Variants in OTUD7B observed in about 807,000 individuals in gnomAD.
The protein encoded by OTUD7B is OTU domain-containing protein 7B.
A neutral mutation model predicts 82.2 loss-of-function variants in OTUD7B; 34 were observed. The observed-to-expected ratio is 0.41, with a 90% CI of 0.31 to 0.55. The LOEUF is 0.55. Ranked by LOEUF, OTUD7B falls within the 20% of genes least tolerant of loss-of-function variation. The pLI is 0.20. For missense variants in OTUD7B, 944 were observed against 1,062.1 expected (o/e 0.89, Z 1.55); for synonymous variants, 398 against 402.7 (o/e 0.99, Z 0.14).
upstream of OTUD7B, among the ~76,000 whole-genome samples, chr1:150,014,196 T>G (rs138693478): frequency 7.3e-6 from 1 of 137,874 alleles, no homozygotes; most frequent in Non-Finnish European, 1.6e-5. Flanking sequence ...CACAGGAGTT[T>G]GAGACCAGCC....
rs1296042034 is a variant in OTUD7B at position 149,975,005 on chromosome 1, T to G, written c.85+2421A>C. ...TGCCACCACACCTGGCTAGAGCCCC[T>G]ATTTTCTGCTTCCTGCCTATCTCAC... On this transcript the variant is annotated intron_variant, in intron 2 of 11. Transcript: ENST00000581312. Among the ~76,000 whole-genome samples the G allele has an allele frequency of 4.7e-4, 72 of 152,082 alleles. 1 individual carries two copies. The highest frequency in any genetic ancestry group is 4.7e-3 in the Admixed American group (72 of 15,270).
intron 3 of OTUD7B, among the ~76,000 whole-genome samples, chr1:149,968,442 C>A (rs1649672733): frequency 6.6e-6 from 1 of 151,920 alleles, no homozygotes; most frequent in African/African-American, 2.4e-5. Flanking sequence ...TAGATAGTAC[C>A]CCACATCATT....
chr1:149,984,952 C>T (rs2101884606), intron 1 of OTUD7B, among the ~76,000 whole-genome samples: 1 of 152,278 alleles, frequency 6.6e-6, no homozygotes, highest in South Asian at 2.1e-4. Flanking sequence ...ACCTGCACCC[C>T]AGGAAATAGC....
At chr1:149,977,801 G>GA (rs1164782758) in intron 1 of OTUD7B, among the ~76,000 whole-genome samples, 4 of 152,104 alleles carry the variant, frequency 2.6e-5, no homozygotes. Context: ...ATACCACTCT[G>GA]AAAAATGCTT....
At chr1:150,024,487 G>C in the OTUD7B span, among the ~76,000 whole-genome samples, 1 of 152,118 alleles carries the variant, frequency 6.6e-6, no homozygotes, top group Admixed American at 6.6e-5. Context: ...TAGGGTTAAA[G>C]ATACTGATCT....
At chr1:150,030,597 C>T in the OTUD7B span, among the ~76,000 whole-genome samples, 1 of 152,174 alleles carries the variant, frequency 6.6e-6, no homozygotes, top group South Asian at 2.1e-4. Context: ...ATAAAACATT[C>T]GTTGGAACCT....
At chr1:150,061,468 G>A in the OTUD7B span, among the ~76,000 whole-genome samples, 1 of 152,064 alleles carries the variant, frequency 6.6e-6, no homozygotes, top group African/African-American at 2.4e-5. Flanking sequence ...CATTTAGGTT[G>A]TTTTCAACTT....
chr1:149,969,830 T>C (rs1649790157), intron 3 of OTUD7B, among the ~76,000 whole-genome samples: 2 of 152,242 alleles, frequency 1.3e-5, no homozygotes, highest in South Asian at 2.1e-4. Context: ...GCCTCCCAAG[T>C]AGCTGGGATT....
chr1:149,951,711 A>G (rs1648266883), intron 7 of OTUD7B, among the ~76,000 whole-genome samples: 2 of 152,202 alleles, frequency 1.3e-5, no homozygotes, highest in South Asian at 4.1e-4. Flanking sequence ...AGGTCCAGAA[A>G]TCAGCTTTTT....
At chr1:150,003,033 G>A (rs587707971) in intron 1 of OTUD7B, among the ~76,000 whole-genome samples, 48 of 152,098 alleles carry the variant, frequency 3.2e-4, no homozygotes, top group Non-Finnish European at 5.6e-4. Context: ...GGCGGATCGC[G>A]AGGTCAGGAG....
At chr1:149,997,953 C>G (rs1553783745) in intron 1 of OTUD7B, among the ~76,000 whole-genome samples, 1 of 152,148 alleles carries the variant, frequency 6.6e-6, no homozygotes, top group Non-Finnish European at 1.5e-5. Flanking sequence ...AAACCAGTTA[C>G]TTAAACCCTG....
chr1:150,059,927 C>T, the OTUD7B span, among the ~76,000 whole-genome samples: 2 of 152,164 alleles, frequency 1.3e-5, no homozygotes, highest in Admixed American at 1.3e-4. Flanking sequence ...TCCATTACAT[C>T]TGTTTGCCAT....
At chr1:150,014,624 T>C (rs1421410547), upstream of OTUD7B, among the ~76,000 whole-genome samples, 1 of 152,184 alleles carries the variant, frequency 6.6e-6, no homozygotes, top group Non-Finnish European at 1.5e-5. Context: ...GTTCTTACAA[T>C]GGAGTACAAA....
In OTUD7B at chr1:149,967,466, G is replaced by A. The variant is rs782471687; in HGVS notation, c.330C>T (p.Ala110=). The A allele has an allele frequency of 2.5e-6, 4 of 1,613,834 alleles. No homozygotes were observed. The South Asian group carries it at 4.4e-5, about 18-fold the overall frequency. ...SHASSSIVSL[A]RSHVSSNGGG... is the part of the protein sequence containing the mutation. ...CACCATTGGAGGAGACATGGGACCG[G>A]GCCAGGGAAACAATGCTGGAGCTGG... Residue 110 remains alanine, a synonymous_variant, in exon 4 of 12, where the codon GCC becomes GCT. Transcript: ENST00000581312.
Position 149,943,809 on chromosome 1 carries a change from T to TC in OTUD7B, c.*47_*48insG. ...ACTGTGTTCTTGATGAGCCAATTAG[T>TC]TGAGCTTAACTTTGTTTAGCCTCCT... On this transcript the variant is annotated 3_prime_UTR_variant, in exon 12 of 12. Transcript: ENST00000581312. The TC allele has an allele frequency of 6.4e-7, 1 of 1,567,308 alleles. No homozygotes were observed. The highest frequency in any genetic ancestry group is 8.7e-7 in the Non-Finnish European group (1 of 1,143,788).
At chr1:149,966,899 A>C (rs1649548264) in intron 4 of OTUD7B, among the ~76,000 whole-genome samples, 1 of 152,226 alleles carries the variant, frequency 6.6e-6, no homozygotes, top group Non-Finnish European at 1.5e-5. Flanking sequence ...TTTAACAATA[A>C]TTTAAGATAA....
At chr1:149,981,082 GGAGGAGGAGGAA>G (rs781811841) in intron 1 of OTUD7B, among the ~76,000 whole-genome samples, 285 of 150,350 alleles carry the variant, frequency 1.9e-3, no homozygotes, top group Admixed American at 3.7e-3. Context: ...TCAGGGAGGA[GGAGGAGGAGGAA>G]GAGGAGGAGG....
chr1:149,940,640 A>G lies in OTUD7B; in HGVS notation c.*3217T>C, dbSNP rs1367581900. 1 of 152,144 alleles carries G rather than the reference A, an allele frequency of 6.6e-6. No individual in the cohort carries two copies. Among genetic ancestry groups the G allele is most frequent in the Non-Finnish European group, 1.5e-5 (1 of 68,022 alleles). The allele number at this position is 152,144 out of a possible 1,614,324, so 9.4% of individuals were successfully genotyped here. Reference sequence around the variant, plus strand: ...CTTAAATTTAAGCCTGAGAGATGATATCATCCCTCACTTGGGGTTAAAGGG... The same window carrying G: ...CTTAAATTTAAGCCTGAGAGATGATGTCATCCCTCACTTGGGGTTAAAGGG... On this transcript the variant is annotated 3_prime_UTR_variant, in exon 12 of 12. Coordinates refer to ENST00000581312, the MANE Select transcript of OTUD7B (RefSeq NM_020205.4).
intron 3 of OTUD7B, 98 bp from the exon 4 acceptor site, chr1:149,967,619 CAG>C: frequency 1.2e-6 from 1 of 855,186 alleles, no homozygotes; most frequent in Admixed American, 3.3e-5. Flanking sequence ...GGTTTACAGT[CAG>C]AGAAAAACTA....
Sources: gnomAD v4.1 joint callset for allele counts (sites outside exome capture counted in the v4.1 genomes callset) on GRCh38, gnomAD v4.1.1 for gene constraint, MANE v1.5 for transcripts, NCBI Gene and HGNC (gene_info 2026-07-23, HGNC 2026-07-21) for gene names.